PTH2R: variants seen among roughly 807,000 people sequenced by gnomAD.
PTH2R encodes PTH2 receptor.
PTH2R carries 59 observed loss-of-function variants against 60.3 expected under a neutral mutation model. The ratio of observed to expected loss-of-function variants is 0.98; its 90% CI spans 0.79 to 1.22. The LOEUF is 1.22. Ranked by LOEUF, PTH2R falls within the 50% of genes most tolerant of loss-of-function variation. The probability of loss-of-function intolerance (pLI) is 0.00; values close to 1 mark genes in which losing one functional copy is unlikely to be tolerated. For synonymous variants in PTH2R, 256 were observed against 243.8 expected (o/e 1.05, Z -0.47); for missense variants, 749 against 682.6 (o/e 1.10, Z -1.08).
At chr2:208,402,721 T>G (rs1701332823), upstream of PTH2R, among the ~76,000 whole-genome samples, 1 of 152,222 alleles carries the variant, frequency 6.6e-6, no homozygotes, top group African/African-American at 2.4e-5. Context: ...CTCATAGATA[T>G]GTCATACTGC....
At chr2:208,421,598 A>G (rs1701758337) in intron 1 of PTH2R, among the ~76,000 whole-genome samples, 1 of 152,220 alleles carries the variant, frequency 6.6e-6, no homozygotes, top group Admixed American at 6.6e-5. Flanking sequence ...AGTATTACAG[A>G]CAATACATTC....
intron 12 of PTH2R, among the ~76,000 whole-genome samples, chr2:208,491,364 C>G (rs1287463646): frequency 1.3e-5 from 2 of 152,140 alleles, no homozygotes; most frequent in Non-Finnish European, 2.9e-5. Flanking sequence ...GTGTATTGTT[C>G]TTACCTTATT....
chr2:208,431,169 T>C (rs1701964246), intron 2 of PTH2R, among the ~76,000 whole-genome samples: 1 of 152,218 alleles, frequency 6.6e-6, no homozygotes, highest in Non-Finnish European at 1.5e-5. Flanking sequence ...TATTTTCCAG[T>C]TTGCCAGCTC....
At chr2:208,440,136 G>A (rs1702153174) in intron 4 of PTH2R, among the ~76,000 whole-genome samples, 1 of 152,158 alleles carries the variant, frequency 6.6e-6, no homozygotes, top group South Asian at 2.1e-4. Context: ...GAAATAGAAT[G>A]AAATGAAATA....
At chr2:208,373,791 T>G (rs1195977077) in intron 1 of PTH2R, among the ~76,000 whole-genome samples, 1 of 152,136 alleles carries the variant, frequency 6.6e-6, no homozygotes, top group Non-Finnish European at 1.5e-5. Context: ...GCCCTAAATG[T>G]CTTCTACGTT....
intron 10 of PTH2R, 97 bp downstream of exon 10, chr2:208,481,261 C>G: frequency 2.8e-6 from 2 of 711,020 alleles, no homozygotes; most frequent in Non-Finnish European, 4.5e-6. Context: ...CTCTGTTGCC[C>G]AGGCTGGAGT....
chr2:208,381,260 T>TA (rs1018081828), intron 1 of PTH2R, among the ~76,000 whole-genome samples: 3 of 151,526 alleles, frequency 2.0e-5, no homozygotes, highest in South Asian at 2.1e-4. Context: ...CATATCCAGT[T>TA]AAAAAAAAAT....
In PTH2R at chr2:208,494,491, ATTTGT is replaced by A. The variant is rs1169387892; in HGVS notation, c.*836_*840del. ...ACATGGCATGTGGGATCAATTAAAAATTTGTTTTAAAAATACATTTTGGATCACTT... is the reference window on the plus strand; with the variant it reads ...ACATGGCATGTGGGATCAATTAAAAATTTAAAAATACATTTTGGATCACTT... On this transcript the variant is annotated 3_prime_UTR_variant, in exon 13 of 13. Transcript: ENST00000272847. 6.6e-6 allele frequency: 1 copy of A among 152,244 alleles called. No individual in the cohort carries two copies. Among genetic ancestry groups the A allele is most frequent in the Non-Finnish European group, 1.5e-5 (1 of 68,042 alleles). 9.4% of individuals were successfully genotyped at this position (152,244 alleles called of 1,614,324 possible). A position where few individuals can be genotyped will look rare whatever the true frequency, so the allele number is the denominator to read the frequency against.
At chr2:208,439,761 A>G (rs1467806009) in intron 4 of PTH2R, among the ~76,000 whole-genome samples, 1 of 152,180 alleles carries the variant, frequency 6.6e-6, no homozygotes, top group African/African-American at 2.4e-5. Flanking sequence ...AGAAACTACC[A>G]TATAATACAT....
intron 9 of PTH2R, among the ~76,000 whole-genome samples, chr2:208,474,729 G>A (rs1266701036): frequency 1.3e-5 from 2 of 152,178 alleles, no homozygotes; most frequent in African/African-American, 4.8e-5. Context: ...TTTTAAGCAG[G>A]TTAGTAAGTG....
At chr2:208,465,715 T>A (rs74945638) in intron 9 of PTH2R, among the ~76,000 whole-genome samples, 3,322 of 151,956 alleles carry the variant, frequency 0.022, 102 homozygotes, top group African/African-American at 0.068. Flanking sequence ...CCTTTTTTTT[T>A]AAAAAAATAT....
In PTH2R at chr2:208,377,756, G is replaced by T. The variant is rs1352598404; in HGVS notation, c.-259+17519G>T. Among the ~76,000 whole-genome samples the T allele has an allele frequency of 4.3e-3, 644 of 148,680 alleles. 11 individuals are homozygous for T. Among genetic ancestry groups the T allele is most frequent in the African/African-American group, 0.015 (617 of 39,966 alleles). On this transcript the variant is annotated intron_variant, in intron 1 of 12. Transcript: ENST00000617735. ...GACGGGGTCGCGGCTGGGCAGAGGC[G>T]CTCCTCACATCCCAGACGGGGCGGC...
intron 1 of PTH2R, chr2:208,361,080 A>T (rs1399779401): frequency 5.3e-6 from 1 of 190,286 alleles, no homozygotes; most frequent in Non-Finnish European, 1.1e-5. Context: ...GCCCACAGCA[A>T]ACTTGTCCTG....
intron 1 of PTH2R, among the ~76,000 whole-genome samples, chr2:208,401,250 C>T (rs1328252754): frequency 1.3e-5 from 2 of 152,156 alleles, no homozygotes; most frequent in Non-Finnish European, 2.9e-5. Context: ...CCCCACTCTC[C>T]AATTTCACAT....
chr2:208,378,192 G>A (rs1291155912), intron 1 of PTH2R, among the ~76,000 whole-genome samples: 18 of 151,592 alleles, frequency 1.2e-4, no homozygotes, highest in African/African-American at 3.9e-4. Context: ...CCAACACAGC[G>A]AAACCCTGTC....
chr2:208,389,430 G>T (rs563136234), intron 1 of PTH2R, among the ~76,000 whole-genome samples: 1 of 152,222 alleles, frequency 6.6e-6, no homozygotes, highest in African/African-American at 2.4e-5. Flanking sequence ...AGTTATATTT[G>T]CAGACACCAT....
At chr2:208,488,035 A>T (rs1304979789) in intron 10 of PTH2R, among the ~76,000 whole-genome samples, 2 of 152,204 alleles carry the variant, frequency 1.3e-5, no homozygotes, top group Non-Finnish European at 2.9e-5. Flanking sequence ...CAGGGGCAAA[A>T]ATAGCAGGAG....
chr2:208,459,683 C>T (rs975544098), intron 8 of PTH2R, among the ~76,000 whole-genome samples: 10 of 152,110 alleles, frequency 6.6e-5, no homozygotes, highest in African/African-American at 2.4e-4. Context: ...ATTCTCTACT[C>T]ATCTTCAAGG....
At chr2:208,383,242 C>T (rs1297218886) in intron 1 of PTH2R, among the ~76,000 whole-genome samples, 1 of 151,920 alleles carries the variant, frequency 6.6e-6, no homozygotes, top group Non-Finnish European at 1.5e-5. Context: ...GACGAATTTC[C>T]TTTTATTATT....
Sources: allele counts gnomAD v4.1 joint callset (sites outside exome capture counted in the v4.1 genomes callset), GRCh38; gene constraint gnomAD v4.1.1; transcripts MANE v1.5; gene names NCBI Gene and HGNC (gene_info 2026-07-23, HGNC 2026-07-21).